TANC1: variants seen among roughly 807,000 people sequenced by gnomAD.
The protein encoded by TANC1 is protein TANC1.
A neutral mutation model predicts 149.7 loss-of-function variants in TANC1; 77 were observed. The ratio of observed to expected loss-of-function variants is 0.51; its 90% confidence interval spans 0.43 to 0.62. The LOEUF (loss-of-function observed/expected upper bound fraction) is 0.62, where lower values mean the gene tolerates loss of function less well. Among genes scored for constraint, TANC1 ranks in the 20% least tolerant of loss-of-function variants. TANC1 has a pLI of 0.00. For synonymous variants in TANC1, 854 were observed against 925.0 expected (o/e 0.92, Z 1.39); for missense variants, 1,985 against 2,321.8 (o/e 0.85, Z 2.98).
intron 2 of TANC1, among the ~76,000 whole-genome samples, chr2:159,035,541 C>T (rs2040119618): frequency 6.6e-6 from 1 of 152,204 alleles, no homozygotes; most frequent in Non-Finnish European, 1.5e-5. Flanking sequence ...AGTTTCTTTT[C>T]TGCGTCTGAT....
At chr2:159,182,960 C>T (rs1280932547) in intron 14 of TANC1, among the ~76,000 whole-genome samples, 3 of 152,188 alleles carry the variant, frequency 2.0e-5, no homozygotes, top group African/African-American at 4.8e-5. Flanking sequence ...TTGAAGACGT[C>T]GCATCAGAAT....
chr2:159,181,391 G>A (rs1433424246), intron 14 of TANC1, among the ~76,000 whole-genome samples: 1 of 151,924 alleles, frequency 6.6e-6, no homozygotes, highest in Admixed American at 6.6e-5. Context: ...CGCCCCCTGG[G>A]GTTCACACCA....
chr2:159,170,785 GC>G lies in TANC1; in HGVS notation c.1334del (p.Pro445ArgfsTer51). On this transcript the variant is annotated frameshift_variant, in exon 10 of 27. Transcript: ENST00000263635. LOFTEE classifies it high-confidence loss of function. ...CGCATGAGGCAGATTGCTTCCAACA[GC>G]CCGGGTTCATCACCTAAAAGTACGT... ...GSRMRQIASNSPGSSPKTSDP... is the reference protein window; with the variant it reads ...GSRMRQIASNXPGSSPKTSDP... 2.5e-6 allele frequency: 4 copies of G among 1,613,938 alleles called. No individual in the cohort carries two copies. The highest frequency in any genetic ancestry group is 3.4e-6 in the Non-Finnish European group (4 of 1,179,788).
At chr2:158,971,155 C>T (rs2032817737) in intron 1 of TANC1, among the ~76,000 whole-genome samples, 1 of 152,160 alleles carries the variant, frequency 6.6e-6, no homozygotes, top group Admixed American at 6.5e-5. Flanking sequence ...TGGATTAAAT[C>T]GTCCATTTTT....
chr2:159,157,743 A>G (rs973335949), intron 7 of TANC1, among the ~76,000 whole-genome samples: 4 of 152,294 alleles, frequency 2.6e-5, no homozygotes, highest in African/African-American at 9.6e-5. Flanking sequence ...TCATTGGTCC[A>G]GTGTTTTAAC....
chr2:159,090,920 T>A (rs1209212600), intron 3 of TANC1, among the ~76,000 whole-genome samples: 1 of 152,138 alleles, frequency 6.6e-6, no homozygotes, highest in African/African-American at 2.4e-5. Context: ...GAGAGAAGAT[T>A]AATGATCACT....
chr2:159,217,558 A>G lies in TANC1; in HGVS notation c.3306A>G (p.Gly1102=). The G allele has an allele frequency of 8.1e-6, 13 of 1,614,222 alleles. No homozygotes were observed. Among genetic ancestry groups the G allele is most frequent in the Non-Finnish European group, 1.1e-5 (13 of 1,180,042 alleles). ...LEVCELLLGH[G]AAVSRTNRRG... Reference sequence around the variant, plus strand: ...TCTGTGAGCTGCTGCTGGGGCATGGAGCTGCTGTGTCGCGGACAAACAGGA... The same window carrying G: ...TCTGTGAGCTGCTGCTGGGGCATGGGGCTGCTGTGTCGCGGACAAACAGGA... Residue 1102 remains glycine (G), a synonymous_variant, in exon 20 of 27, where the codon GGA becomes GGG. Coordinates refer to ENST00000263635, the MANE Select transcript of TANC1 (RefSeq NM_033394.3).
intron 2 of TANC1, among the ~76,000 whole-genome samples, chr2:159,042,545 C>T (rs560946952): frequency 7.0e-4 from 106 of 151,922 alleles, no homozygotes; most frequent in African/African-American, 2.4e-3. Context: ...GTGGATGACA[C>T]CAGGGAAGAC....
intron 2 of TANC1, among the ~76,000 whole-genome samples, chr2:159,037,473 G>A (rs1479058702): frequency 6.6e-6 from 1 of 152,140 alleles, no homozygotes; most frequent in Non-Finnish European, 1.5e-5. Flanking sequence ...TTCTTCTAGG[G>A]CTTTCATGGT....
At chr2:159,198,636 T>C (rs1222108358) in intron 18 of TANC1, among the ~76,000 whole-genome samples, 1 of 152,258 alleles carries the variant, frequency 6.6e-6, no homozygotes, top group African/African-American at 2.4e-5. Flanking sequence ...TTCACTATCT[T>C]GTGATTTATG....
chr2:159,205,394 T>C (rs980329038), intron 19 of TANC1, among the ~76,000 whole-genome samples: 1 of 152,232 alleles, frequency 6.6e-6, no homozygotes, highest in Non-Finnish European at 1.5e-5. Context: ...TCAGGCCTAC[T>C]GGATTGAGCC....
intron 19 of TANC1, among the ~76,000 whole-genome samples, chr2:159,204,943 G>A (rs1194162593): frequency 2.0e-5 from 3 of 152,184 alleles, no homozygotes; most frequent in African/African-American, 7.2e-5. Flanking sequence ...CTTGGCATGT[G>A]TGCTCACCGT....
At chr2:158,984,213 A>C (rs1485368913) in intron 1 of TANC1, among the ~76,000 whole-genome samples, 1 of 152,240 alleles carries the variant, frequency 6.6e-6, no homozygotes, top group African/African-American at 2.4e-5. Flanking sequence ...TTGCTTCAAC[A>C]AAAAGGACCC....
rs771722285 is a variant in TANC1, at chr2:159,170,144, T to C, written c.1070-380T>C. ...TATTTCTAGGGAAAACATGTTTCTGTTTTATTCATACAGCAGGGAAGAAGC... is the reference window on the plus strand; with the variant it reads ...TATTTCTAGGGAAAACATGTTTCTGCTTTATTCATACAGCAGGGAAGAAGC... On this transcript the variant is annotated intron_variant, in intron 9 of 26. Transcript: ENST00000263635. Among the ~76,000 whole-genome samples the C allele has an allele frequency of 4.2e-4, 64 of 152,144 alleles. 3 individuals carry two copies. The highest frequency in any genetic ancestry group is 9.3e-4 in the Non-Finnish European group (63 of 68,020).
chr2:159,021,781 C>G (rs2038852251), intron 2 of TANC1, among the ~76,000 whole-genome samples: 1 of 152,056 alleles, frequency 6.6e-6, no homozygotes, highest in South Asian at 2.1e-4. Context: ...CTCAAACTTT[C>G]AGTCTTTTCT....
chr2:158,972,850 G>A (rs2033099915), intron 1 of TANC1, among the ~76,000 whole-genome samples: 1 of 152,102 alleles, frequency 6.6e-6, no homozygotes, highest in Admixed American at 6.5e-5. Context: ...GTACCAGGAG[G>A]GCACAAGAGC....
At chr2:158,993,141 C>A (rs1303968820) in intron 1 of TANC1, among the ~76,000 whole-genome samples, 1 of 152,132 alleles carries the variant, frequency 6.6e-6, no homozygotes, top group African/African-American at 2.4e-5. Context: ...CAGTTTTCAG[C>A]CAAGGAAAGG....
At chr2:158,979,522 A>G (rs1374984729) in intron 1 of TANC1, among the ~76,000 whole-genome samples, 1 of 151,824 alleles carries the variant, frequency 6.6e-6, no homozygotes, top group Non-Finnish European at 1.5e-5. Context: ...AAAAAAAAAA[A>G]CTTACCGTTT....
intron 3 of TANC1, among the ~76,000 whole-genome samples, chr2:159,069,483 A>T (rs2042956662): frequency 6.6e-6 from 1 of 152,090 alleles, no homozygotes; most frequent in Admixed American, 6.5e-5. Flanking sequence ...AACCTTTACC[A>T]CGTTTCTTAA....
Sources: gnomAD v4.1 joint callset for allele counts (sites outside exome capture counted in the v4.1 genomes callset) on GRCh38, gnomAD v4.1.1 for gene constraint, MANE v1.5 for transcripts, NCBI Gene and HGNC (gene_info 2026-07-23, HGNC 2026-07-21) for gene names.